The following CPED1 variants were observed in gnomAD, a reference collection of about 807,000 sequenced individuals.
CPED1 encodes cadherin-like and PC-esterase domain-containing protein 1.
A neutral mutation model predicts 128.2 loss-of-function variants in CPED1; 114 were observed. The ratio of observed to expected loss-of-function variants is 0.89; its 90% CI spans 0.76 to 1.04. The LOEUF (loss-of-function observed/expected upper bound fraction) is 1.04. Ranked by LOEUF, CPED1 falls within the 50% of genes least tolerant of loss-of-function variation. The probability of loss-of-function intolerance (pLI) is 0.00; values close to 1 mark genes in which losing one functional copy is unlikely to be tolerated. For missense variants in CPED1, 1,211 were observed against 1,207.1 expected, an observed-to-expected ratio of 1.00 and a Z score of -0.05; for synonymous variants, 462 against 426.7, an observed-to-expected ratio of 1.08 and a Z score of -1.02.
rs938982941 is a variant in CPED1, at chr7:121,106,765, G to T, written c.918+6671G>T. ...GAGCAAGTGTTGTTTCTCTGAACTG[G>T]ATCCTGGAAGTGTATTGCCCGTGAA... On this transcript the variant is annotated intron_variant, in intron 7 of 22. Coordinates refer to ENST00000310396, the MANE Select transcript of CPED1 (RefSeq NM_024913.5). Among the ~76,000 whole-genome samples, 6 of 152,050 alleles carry T rather than the reference G, an allele frequency of 3.9e-5. No individual in the cohort carries two copies. In the East Asian group the frequency reaches 1.2e-3, roughly 29 times the overall value.
At chr7:121,072,567 C>A (rs1332417071) in intron 5 of CPED1, among the ~76,000 whole-genome samples, 5 of 152,030 alleles carry the variant, frequency 3.3e-5, no homozygotes, top group Non-Finnish European at 7.4e-5. Context: ...AAAAGAAAAG[C>A]CAGCAGAATG....
chr7:121,197,923 C>T (rs1175927026), intron 16 of CPED1, among the ~76,000 whole-genome samples: 5 of 152,116 alleles, frequency 3.3e-5, no homozygotes, highest in South Asian at 4.2e-4. Context: ...AATTGTAAAC[C>T]GAAGAATCAG....
chr7:121,185,467 G>A (rs908684388), intron 16 of CPED1, among the ~76,000 whole-genome samples: 15 of 152,044 alleles, frequency 9.9e-5, no homozygotes, highest in Non-Finnish European at 2.2e-4. Flanking sequence ...ACAGGAGATA[G>A]GATAAATAAA....
intron 7 of CPED1, among the ~76,000 whole-genome samples, chr7:121,107,618 T>C (rs1436033362): frequency 1.3e-5 from 2 of 152,064 alleles, no homozygotes; most frequent in African/African-American, 2.4e-5. Flanking sequence ...ACAGTGAAAA[T>C]AATGGCAGTA....
chr7:121,177,886 A>G (rs1796819750), intron 16 of CPED1, among the ~76,000 whole-genome samples: 1 of 152,138 alleles, frequency 6.6e-6, no homozygotes, highest in South Asian at 2.1e-4. Flanking sequence ...AAGTAAGAAA[A>G]TAAAGTCCAT....
chr7:121,189,492 A>T (rs1797078133), intron 16 of CPED1, among the ~76,000 whole-genome samples: 1 of 151,670 alleles, frequency 6.6e-6, no homozygotes, highest in Non-Finnish European at 1.5e-5. Flanking sequence ...GCAAGGGGGA[A>T]ATCCACCCCC....
chr7:121,282,757 T>G (rs572939692), intron 22 of CPED1, among the ~76,000 whole-genome samples: 7 of 152,210 alleles, frequency 4.6e-5, no homozygotes, highest in Non-Finnish European at 1.5e-5. Context: ...GGAAACAACA[T>G]GGTGCCTGAC....
At chr7:121,006,354 G>A (rs539823315) in intron 2 of CPED1, among the ~76,000 whole-genome samples, 4 of 152,094 alleles carry the variant, frequency 2.6e-5, no homozygotes, top group African/African-American at 9.6e-5. Context: ...AGACTCAGAG[G>A]GCAATAAGAA....
chr7:121,016,420 C>T (rs1792301909), intron 3 of CPED1, among the ~76,000 whole-genome samples: 1 of 152,110 alleles, frequency 6.6e-6, no homozygotes, highest in South Asian at 2.1e-4. Flanking sequence ...AACAATAAGA[C>T]CTAACGTTTC....
intron 5 of CPED1, among the ~76,000 whole-genome samples, chr7:121,084,661 T>C (rs190714569): frequency 6.4e-4 from 98 of 152,322 alleles, no homozygotes; most frequent in African/African-American, 2.3e-3. Flanking sequence ...GTAATAAAAC[T>C]GATTAAAATG....
intron 7 of CPED1, among the ~76,000 whole-genome samples, chr7:121,111,159 G>T (rs1156826940): frequency 6.6e-6 from 1 of 152,142 alleles, no homozygotes; most frequent in African/African-American, 2.4e-5. Flanking sequence ...GTTGAGGCTG[G>T]TTCTTACTCA....
chr7:121,193,206 T>C (rs1341403978), intron 16 of CPED1, among the ~76,000 whole-genome samples: 1 of 152,172 alleles, frequency 6.6e-6, no homozygotes, highest in African/African-American at 2.4e-5. Flanking sequence ...TTTTAGCTAT[T>C]GCTATGGTTA....
chr7:121,060,789 C>T (rs768601124), intron 4 of CPED1, among the ~76,000 whole-genome samples: 29 of 152,274 alleles, frequency 1.9e-4, no homozygotes, highest in Middle Eastern at 3.4e-3. Flanking sequence ...CAACCCGCTC[C>T]GGTCCCTTTT....
At chr7:121,054,615 T>G (rs2160012) in intron 4 of CPED1, among the ~76,000 whole-genome samples, 99,607 of 151,564 alleles carry the variant, frequency 0.66, 35,493 homozygotes, top group Admixed American at 0.81. Context: ...TGCTGCAATT[T>G]ATGTATTATT....
chr7:121,186,253 A>G (rs1371339450), intron 16 of CPED1, among the ~76,000 whole-genome samples: 1 of 152,138 alleles, frequency 6.6e-6, no homozygotes, highest in Non-Finnish European at 1.5e-5. Context: ...AATATGTTTC[A>G]AATTTTACTT....
chr7:121,134,500 T>A (rs542092919), intron 13 of CPED1, among the ~76,000 whole-genome samples: 2 of 152,064 alleles, frequency 1.3e-5, no homozygotes, highest in Admixed American at 1.3e-4. Context: ...TATAGTTAGG[T>A]AGAAGAAAAA....
intron 16 of CPED1, among the ~76,000 whole-genome samples, chr7:121,221,776 CTGTT>C (rs1797885257): frequency 1.3e-5 from 2 of 152,138 alleles, no homozygotes; most frequent in Non-Finnish European, 2.9e-5. Flanking sequence ...TGAGAAGTGT[CTGTT>C]CATATCTTTT....
At chr7:121,137,314 G>A (rs1795806343) in intron 14 of CPED1, among the ~76,000 whole-genome samples, 1 of 151,926 alleles carries the variant, frequency 6.6e-6, no homozygotes, top group African/African-American at 2.4e-5. Flanking sequence ...TAGGACTATA[G>A]GCATGAGCTA....
intron 16 of CPED1, among the ~76,000 whole-genome samples, chr7:121,218,931 C>T (rs985590452): frequency 1.3e-5 from 2 of 152,034 alleles, no homozygotes; most frequent in African/African-American, 2.4e-5. Context: ...ACTATTTCTG[C>T]TTCAACCTAC....
Sources: allele counts gnomAD v4.1 joint callset (sites outside exome capture counted in the v4.1 genomes callset), GRCh38; gene constraint gnomAD v4.1.1; transcripts MANE v1.5; gene names NCBI Gene and HGNC (gene_info 2026-07-23, HGNC 2026-07-21).